MAST3: variants seen among roughly 807,000 people sequenced by gnomAD.
The protein encoded by MAST3 is microtubule associated serine/threonine kinase 3.
Under a neutral mutation model 127.0 loss-of-function variants are expected in MAST3, and 43 were observed. The observed-to-expected ratio is 0.34, with a 90% confidence interval of 0.27 to 0.44. The LOEUF (loss-of-function observed/expected upper bound fraction) is 0.44. MAST3 is among the 20% of genes least tolerant of loss of function. The probability of loss-of-function intolerance (pLI) is 1.00; values close to 1 mark genes in which losing one functional copy is unlikely to be tolerated. For missense variants in MAST3, 1,390 were observed against 1,919.1 expected (o/e 0.72, Z 5.15); for synonymous variants, 785 against 809.2 (o/e 0.97, Z 0.51).
In MAST3 at chr19:18,107,633, GA is replaced by G; in HGVS notation, c.71+16del. On this transcript the variant is annotated intron_variant, in intron 2 of 27. Coordinates refer to ENST00000687212, the MANE Select transcript of MAST3 (RefSeq NM_001393504.1). ...CGAGGACGTGGGTGAGTTCACCTGG[GA>G]CTGGCGGGCTGGGTGGGCCCCAGTG... 1 of 1,611,898 alleles carries G rather than the reference GA, an allele frequency of 6.2e-7. No individual in the cohort carries two copies. Among genetic ancestry groups the G allele is most frequent in the Non-Finnish European group, 8.5e-7 (1 of 1,179,014 alleles).
chr19:18,135,065 G>A, intron 17 of MAST3, 83 bp downstream of exon 17: 1 of 1,483,090 alleles, frequency 6.7e-7, no homozygotes, highest in South Asian at 1.3e-5. Flanking sequence ...ATGTCAGGGA[G>A]AGAAGCAGGA....
chr19:18,140,517 T>G (rs1244150750), intron 20 of MAST3, among the ~76,000 whole-genome samples: 1 of 152,156 alleles, frequency 6.6e-6, no homozygotes, highest in African/African-American at 2.4e-5. Flanking sequence ...CACTCCCCAT[T>G]TGTCCTCCTT....
intron 21 of MAST3, among the ~76,000 whole-genome samples, chr19:18,142,553 T>C (rs928819448): frequency 2.6e-5 from 4 of 151,370 alleles, no homozygotes; most frequent in South Asian, 2.1e-4. Flanking sequence ...GGTTTTGCCA[T>C]GTTAGCCAGG....
chr19:18,136,911 T>C (rs1268986986), intron 18 of MAST3, among the ~76,000 whole-genome samples: 1 of 152,044 alleles, frequency 6.6e-6, no homozygotes, highest in Non-Finnish European at 1.5e-5. Context: ...AATCTCCACC[T>C]CCCAGGTTCG....
rs2042391735 is a variant in MAST3, at chr19:18,140,839, GC to G, written c.2206-1042del. On this transcript the variant is annotated intron_variant, in intron 20 of 27. Coordinates refer to ENST00000687212, the MANE Select transcript of MAST3 (RefSeq NM_001393504.1). Reference sequence around the variant, plus strand: ...GATGGAGTCTTGCTCTGTTGCCCAGGCTGGAGTGCAATAGTGCAATCTCAGC... The same window carrying G: ...GATGGAGTCTTGCTCTGTTGCCCAGGTGGAGTGCAATAGTGCAATCTCAGC... 2.0e-5 allele frequency among the ~76,000 whole-genome samples: 3 copies of G among 152,156 alleles called. No homozygotes were observed. In the South Asian group the frequency reaches 6.2e-4, roughly 32 times the overall value.
At chr19:18,105,323 C>T (rs1419647886) in intron 1 of MAST3, among the ~76,000 whole-genome samples, 3 of 152,034 alleles carry the variant, frequency 2.0e-5, no homozygotes, top group African/African-American at 7.2e-5. Context: ...GCCAAGACTG[C>T]ACCACTGCAC....
At chr19:18,147,763 G>A in intron 27 of MAST3, 139 bp downstream of exon 27, 2 of 671,508 alleles carry the variant, frequency 3.0e-6, no homozygotes, top group Non-Finnish European at 5.0e-6. Flanking sequence ...TGTCTAGCAG[G>A]GAACCTGGGA....
intron 1 of MAST3, among the ~76,000 whole-genome samples, chr19:18,104,901 T>C (rs2037946043): frequency 6.6e-6 from 1 of 152,150 alleles, no homozygotes; most frequent in Admixed American, 6.6e-5. Context: ...TGGCTGATCA[T>C]GATTAACCCA....
chr19:18,108,394 G>T (rs1275156431), intron 2 of MAST3, among the ~76,000 whole-genome samples: 1 of 151,270 alleles, frequency 6.6e-6, no homozygotes, highest in Non-Finnish European at 1.5e-5. Context: ...TTGAGACGGG[G>T]TCCCTCTCTC....
chr19:18,109,641 T>TG (rs1217499110), intron 2 of MAST3, among the ~76,000 whole-genome samples: 2 of 151,002 alleles, frequency 1.3e-5, no homozygotes, highest in East Asian at 3.9e-4. Context: ...CTGGTGCTGG[T>TG]GGGGGTGCAG....
chr19:18,107,693 G>A, intron 2 of MAST3, 75 bp downstream of exon 2: 4 of 1,369,614 alleles, frequency 2.9e-6, no homozygotes, highest in Non-Finnish European at 4.1e-6. Context: ...AACAGCCACT[G>A]AATTGTGAAT....
intron 13 of MAST3, among the ~76,000 whole-genome samples, chr19:18,130,076 C>T (rs1386384658): frequency 6.6e-6 from 1 of 151,932 alleles, no homozygotes; most frequent in African/African-American, 2.4e-5. Flanking sequence ...ATAGCGAGAC[C>T]CCATCTCTAC....
chr19:18,116,015 G>C (rs1380380510), intron 3 of MAST3, among the ~76,000 whole-genome samples: 1 of 151,944 alleles, frequency 6.6e-6, no homozygotes. Flanking sequence ...CCTCTGAGAG[G>C]CCTCCTGGCT....
At position 18,149,511 on chromosome 19, in the gene MAST3, C is replaced by A. The variant is rs571918908; in HGVS notation, c.3829C>A (p.Arg1277=). ...GGAGCGGCTGGATGGGGAGGCGGGG[C>A]GGCGCACTCGTGGGCCAGAGGCCGA... is the stretch of plus-strand genomic sequence containing the variant. ...TGERLDGEAG[R]RTRGPEAELV... The change falls in exon 28 of 28, where the codon CGG becomes AGG. Residue 1277 remains arginine, a synonymous_variant. Transcript: ENST00000687212. The surrounding 1 kb of genome is among the most constrained non-coding windows in gnomAD (Gnocchi z 5.9). The A allele has an allele frequency of 3.2e-6, 5 of 1,548,464 alleles. No homozygotes were observed. Among genetic ancestry groups the A allele is most frequent in the Non-Finnish European group, 4.4e-6 (5 of 1,146,674 alleles).
In MAST3 at chr19:18,149,184, C is replaced by T; in HGVS notation, c.3509-7C>T. 6.7e-7 allele frequency: 1 copy of T among 1,501,966 alleles called. No individual in the cohort carries two copies. The highest frequency in any genetic ancestry group is 8.9e-7 in the Non-Finnish European group (1 of 1,126,944). The allele number at this position is 1,501,966 out of a possible 1,614,324, so 93.0% of individuals were successfully genotyped here. On this transcript the variant is annotated splice_polypyrimidine_tract_variant and splice_region_variant and intron_variant, in intron 27 of 27. Transcript: ENST00000687212. This position sits in a 1 kb window ranked among gnomAD's most constrained non-coding sequence, Gnocchi z 5.9. ...CAGCAGCCCTGACCTACGCTTATCA[C>T]CCACAGATACCACTGCATCCCCACC...
chr19:18,143,431 C>T (rs953376817), intron 21 of MAST3, among the ~76,000 whole-genome samples: 3 of 152,096 alleles, frequency 2.0e-5, no homozygotes, highest in Non-Finnish European at 2.9e-5. Flanking sequence ...CAAAAATTAG[C>T]CCAGTGTGGC....
At position 18,143,085 on chromosome 19, in the gene MAST3, C is replaced by T. The variant is rs540823606; in HGVS notation, c.2340-678C>T. Among the ~76,000 whole-genome samples the T allele has an allele frequency of 3.3e-3, 492 of 149,930 alleles. 1 individual carries two copies. The highest frequency in any genetic ancestry group is 0.012 in the African/African-American group (483 of 40,660). ...CAAGATCGTGCCACTGCACTCCGGCCGGGGTGACAGAGCGAGACTCTGTCT... is the reference window on the plus strand; with the variant it reads ...CAAGATCGTGCCACTGCACTCCGGCTGGGGTGACAGAGCGAGACTCTGTCT... On this transcript the variant is annotated intron_variant, in intron 21 of 27. Coordinates refer to ENST00000687212, the MANE Select transcript of MAST3 (RefSeq NM_001393504.1).
chr19:18,128,387 C>A lies in MAST3; in HGVS notation c.1079-13C>A. ...AGGGAGGCTCCAGCTGAGCCTCCTC[C>A]CTCATCTTGCAGAGATGGTGCCACT... On this transcript the variant is annotated splice_polypyrimidine_tract_variant and intron_variant, in intron 11 of 27. Transcript: ENST00000687212. 1 of 1,545,484 alleles carries A rather than the reference C, an allele frequency of 6.5e-7. No homozygotes were observed.
At chr19:18,135,035 G>A in intron 17 of MAST3, 53 bp downstream of exon 17, 1 of 1,535,880 alleles carries the variant, frequency 6.5e-7, no homozygotes, top group Non-Finnish European at 8.8e-7. Flanking sequence ...CAGAGCTCTG[G>A]GCAGCGGTCC....
Sources: gnomAD v4.1 joint callset for allele counts (sites outside exome capture counted in the v4.1 genomes callset) on GRCh38, gnomAD v4.1.1 for gene constraint, Gnocchi (gnomAD v3.1) non-coding constraint, MANE v1.5 for transcripts, NCBI Gene and HGNC (gene_info 2026-07-23, HGNC 2026-07-21) for gene names.